The following IMPA2 variants were observed in gnomAD, a reference collection of about 807,000 sequenced individuals.
The protein encoded by IMPA2 is inositol monophosphatase 2.
In IMPA2, 32 loss-of-function variants were observed where a neutral mutation model predicts 35.1. The ratio of observed to expected loss-of-function variants is 0.91; its 90% CI spans 0.69 to 1.23. The LOEUF (loss-of-function observed/expected upper bound fraction) is 1.23, where lower values mean the gene tolerates loss of function less well. IMPA2 is among the 50% of genes most tolerant of loss of function. The probability of loss-of-function intolerance (pLI) is 0.00; values close to 1 mark genes in which losing one functional copy is unlikely to be tolerated. For missense variants in IMPA2, 334 were observed against 387.6 expected, an observed-to-expected ratio of 0.86 and a Z score of 1.16; for synonymous variants, 135 against 160.6, an observed-to-expected ratio of 0.84 and a Z score of 1.20.
intron 5 of IMPA2, among the ~76,000 whole-genome samples, chr18:12,022,329 C>T (rs1907752372): frequency 6.6e-6 from 1 of 151,584 alleles, no homozygotes; most frequent in African/African-American, 2.4e-5. Context: ...GTCAGGAGTT[C>T]GAGATCAGCC....
intron 5 of IMPA2, among the ~76,000 whole-genome samples, chr18:12,027,514 G>C (rs1363360717): frequency 6.6e-6 from 1 of 150,572 alleles, no homozygotes; most frequent in Non-Finnish European, 1.5e-5. Flanking sequence ...TCCAAACATT[G>C]AGTGTTCCCA....
At position 11,989,819 on chromosome 18, in the gene IMPA2, C is replaced by T. The variant is rs577269949; in HGVS notation, c.96+8054C>T. ...TTGTCACTTGCTCACCCCAATGAAG[C>T]GCTGCCCAGGGGAGATTACTGTCTT... On this transcript the variant is annotated intron_variant, in intron 1 of 7. Transcript: ENST00000269159. 3.3e-5 allele frequency among the ~76,000 whole-genome samples: 5 copies of T among 152,194 alleles called. No homozygotes were observed. The South Asian group carries it at 6.2e-4, about 19-fold the overall frequency.
rs552281137 is a variant in IMPA2, at chr18:12,030,695, C to T, written c.*237C>T. The T allele has an allele frequency of 1.8e-5, 9 of 503,040 alleles. No individual in the cohort carries two copies. The highest frequency in any genetic ancestry group is 3.6e-5 in the Admixed American group (1 of 27,656). The allele number at this position is 503,040 out of a possible 1,614,324, so 31.2% of individuals were successfully genotyped here. A position where few individuals can be genotyped will look rare whatever the true frequency, so the allele number is the denominator to read the frequency against. ...TCACGTAGCCTTTTTCAGGTTAGTA[C>T]GTGTTCTTCTGTCAGGGCCAAAACT... On this transcript the variant is annotated 3_prime_UTR_variant, in exon 8 of 8. Coordinates refer to ENST00000269159, the MANE Select transcript of IMPA2 (RefSeq NM_014214.3).
At chr18:11,989,635 G>C (rs1906758250) in intron 1 of IMPA2, among the ~76,000 whole-genome samples, 1 of 152,206 alleles carries the variant, frequency 6.6e-6, no homozygotes, top group Non-Finnish European at 1.5e-5. Flanking sequence ...CAGAAGAAGG[G>C]GGAGGGCAGA....
At chr18:12,030,237 C>T (rs1908008511) in intron 7 of IMPA2, 106 bp from the exon 8 acceptor site, 1 of 793,758 alleles carries the variant, frequency 1.3e-6, no homozygotes, top group South Asian at 1.6e-5. Flanking sequence ...GGGCACGGTT[C>T]CATGTGCCAT....
At chr18:12,005,554 G>C (rs1288176678) in intron 2 of IMPA2, among the ~76,000 whole-genome samples, 1 of 152,062 alleles carries the variant, frequency 6.6e-6, no homozygotes, top group Non-Finnish European at 1.5e-5. Flanking sequence ...AAAACAAATA[G>C]ATAAATAATA....
intron 1 of IMPA2, among the ~76,000 whole-genome samples, chr18:11,988,093 C>T (rs1906717262): frequency 6.6e-6 from 1 of 150,440 alleles, no homozygotes; most frequent in African/African-American, 2.5e-5. Flanking sequence ...GCAACCTCCG[C>T]TTCCCGGGCT....
At chr18:12,007,604 C>CTT (rs1555645709) in intron 2 of IMPA2, among the ~76,000 whole-genome samples, 483 of 134,250 alleles carry the variant, frequency 3.6e-3, no homozygotes, top group African/African-American at 7.5e-3. Flanking sequence ...TTCTTTCTTT[C>CTT]TCTTTCTTTC....
intron 2 of IMPA2, among the ~76,000 whole-genome samples, chr18:12,009,037 C>T (rs1907359404): frequency 6.6e-6 from 1 of 152,186 alleles, no homozygotes; most frequent in Non-Finnish European, 1.5e-5. Context: ...CTCTCTCCTT[C>T]CTGCAGCCCC....
In IMPA2 at chr18:11,981,720, G is replaced by T; in HGVS notation, c.51G>T (p.Glu17Asp). The change falls in exon 1 of 8, where the codon GAG becomes GAT. Residue 17 changes from glutamate to aspartate, a missense_variant. Transcript: ENST00000269159. ...CGGCGCTGGCGGCCGGCCCCTGGGAGGAGTGCTTCCAGGCGGCCGTGCAGC... is the reference window on the plus strand; with the variant it reads ...CGGCGCTGGCGGCCGGCCCCTGGGATGAGTGCTTCCAGGCGGCCGTGCAGC... ...DQAALAAGPW[E>D]ECFQAAVQLA... The T allele has an allele frequency of 8.1e-7, 1 of 1,230,168 alleles. No individual in the cohort carries two copies. The allele number at this position is 1,230,168 out of a possible 1,614,324, so 76.2% of individuals were successfully genotyped here. A position where few individuals can be genotyped will look rare whatever the true frequency, so the allele number is the denominator to read the frequency against.
At chr18:12,023,279 A>C in intron 5 of IMPA2, among the ~76,000 whole-genome samples, 1 of 152,100 alleles carries the variant, frequency 6.6e-6, no homozygotes, top group East Asian at 1.9e-4. Flanking sequence ...GTCTGGCCCC[A>C]CCATGTAATG....
chr18:12,000,491 G>A (rs757011981), intron 2 of IMPA2, among the ~76,000 whole-genome samples: 5 of 151,518 alleles, frequency 3.3e-5, no homozygotes, highest in Admixed American at 6.6e-5. Context: ...TTTGCCAGTC[G>A]CTCATGTTTG....
At chr18:12,028,178 C>T (rs1469129349) in intron 6 of IMPA2, 27 bp downstream of exon 6, 1 of 1,429,160 alleles carries the variant, frequency 7.0e-7, no homozygotes, top group Non-Finnish European at 9.9e-7. Flanking sequence ...GGGGAACACC[C>T]TGCAGCCCGA....
At chr18:12,027,885 C>G (rs1422184699) in intron 5 of IMPA2, among the ~76,000 whole-genome samples, 158 bp from the exon 6 acceptor site, 1 of 151,970 alleles carries the variant, frequency 6.6e-6, no homozygotes, top group African/African-American at 2.4e-5. Context: ...CCCGGTCCAT[C>G]CTTAGTTTTC....
In IMPA2 at chr18:12,012,154, C is replaced by T. The variant is rs768184574; in HGVS notation, c.336-16C>T. 1.9e-6 allele frequency: 3 copies of T among 1,613,886 alleles called. No individual in the cohort carries two copies. The highest frequency in any genetic ancestry group is 2.5e-6 in the Non-Finnish European group (3 of 1,179,712). On this transcript the variant is annotated splice_polypyrimidine_tract_variant and intron_variant, in intron 3 of 7. Coordinates refer to ENST00000269159, the MANE Select transcript of IMPA2 (RefSeq NM_014214.3). ...CTCTTGTTCCAGAGAGTAAACCTTT[C>T]TATTTTCCTTTGCAGATTCCCGACT...
Position 12,017,443 on chromosome 18 carries a change from A to G in IMPA2, c.490+3070A>G, listed in dbSNP as rs545702501. Among the ~76,000 whole-genome samples, 10 of 152,196 alleles carry G rather than the reference A, an allele frequency of 6.6e-5. No individual in the cohort carries two copies. The East Asian group carries it at 1.9e-3, about 29-fold the overall frequency. Reference sequence around the variant, plus strand: ...ATCCCTAAAATCAGCAAATAATCCCATCAGTGTTCAAATTTCCAATTGTCT... The same window carrying G: ...ATCCCTAAAATCAGCAAATAATCCCGTCAGTGTTCAAATTTCCAATTGTCT... On this transcript the variant is annotated intron_variant, in intron 5 of 7. Coordinates refer to ENST00000269159, the MANE Select transcript of IMPA2 (RefSeq NM_014214.3).
At position 12,028,080 on chromosome 18, in the gene IMPA2, C is replaced by T; in HGVS notation, c.528C>T (p.Pro176=). ...SKALVLTEIG[P]KRDPATLKLF... ...CCTTGGTTCTGACAGAAATTGGCCC[C>T]AAACGTGACCCTGCGACCCTGAAGC... Residue 176 remains proline, a synonymous_variant, in exon 6 of 8, where the codon CCC becomes CCT. Transcript: ENST00000269159. The T allele has an allele frequency of 6.2e-7, 1 of 1,614,070 alleles. No individual in the cohort carries two copies. The highest frequency in any genetic ancestry group is 8.5e-7 in the Non-Finnish European group (1 of 1,179,938).
rs569745639 is a variant in IMPA2 at position 12,004,713 on chromosome 18, C to T, written c.231-5170C>T. 2.6e-5 allele frequency among the ~76,000 whole-genome samples: 4 copies of T among 152,102 alleles called. No homozygotes were observed. In the South Asian group the frequency reaches 6.2e-4, roughly 24 times the overall value. On this transcript the variant is annotated intron_variant, in intron 2 of 7. Coordinates refer to ENST00000269159, the MANE Select transcript of IMPA2 (RefSeq NM_014214.3). The stretch of plus-strand genomic sequence containing the variant: ...GTAATTTTCATATTTTTAGTAGAGA[C>T]GGGGTTTCACCATGTTGGCCAGTCT...
chr18:12,017,673 C>A (rs908054151), intron 5 of IMPA2: 1 of 402,576 alleles, frequency 2.5e-6, no homozygotes, highest in Admixed American at 2.8e-5. Context: ...ACTGCAGCCT[C>A]CACATCCTAG....
Sources: gnomAD v4.1 joint callset for allele counts (sites outside exome capture counted in the v4.1 genomes callset) on GRCh38, gnomAD v4.1.1 for gene constraint, MANE v1.5 for transcripts, NCBI Gene and HGNC (gene_info 2026-07-23, HGNC 2026-07-21) for gene names.